LINGO2: variants seen among roughly 807,000 people sequenced by gnomAD.
LINGO2 encodes the protein leucine rich repeat and Ig domain containing 2, also known as leucine-rich repeat and immunoglobulin-like domain-containing nogo receptor-interacting protein 2.
A neutral mutation model predicts 30.6 loss-of-function variants in LINGO2; 14 were observed. The observed-to-expected ratio is 0.46, with a 90% CI of 0.30 to 0.72. LINGO2 has a LOEUF of 0.72. LINGO2 is among the 30% of genes least tolerant of loss of function. The pLI, the probability that LINGO2 is intolerant of heterozygous loss-of-function variation, is 0.07. For synonymous variants in LINGO2, 317 were observed against 288.5 expected (o/e 1.10, Z -1.00); for missense variants, 729 against 751.7 (o/e 0.97, Z 0.35).
At chr9:28,744,032 T>C in the LINGO2 span, among the ~76,000 whole-genome samples, 1 of 151,412 alleles carries the variant, frequency 6.6e-6, no homozygotes, top group Non-Finnish European at 1.5e-5. Context: ...TAATCTTTAA[T>C]GATTTATCTT....
At chr9:28,757,631 G>T in the LINGO2 span, among the ~76,000 whole-genome samples, 1 of 152,072 alleles carries the variant, frequency 6.6e-6, no homozygotes, top group Non-Finnish European at 1.5e-5. Context: ...ACGAACAACT[G>T]ATCTCCAATT....
chr9:28,231,960 C>T (rs1821371421), intron 4 of LINGO2, among the ~76,000 whole-genome samples: 1 of 151,992 alleles, frequency 6.6e-6, no homozygotes, highest in Non-Finnish European at 1.5e-5. Context: ...TGTCAATATT[C>T]AATGTTTATA....
the LINGO2 span, among the ~76,000 whole-genome samples, chr9:28,863,253 C>A: frequency 1.3e-5 from 2 of 151,810 alleles, no homozygotes; most frequent in African/African-American, 4.8e-5. Flanking sequence ...GCATAATAAT[C>A]CAAATAAAAT....
At chr9:28,298,510 A>G (rs532490446) in intron 3 of LINGO2, among the ~76,000 whole-genome samples, 4 of 150,968 alleles carry the variant, frequency 2.6e-5, no homozygotes, top group African/African-American at 9.7e-5. Flanking sequence ...AAAAAAAAAA[A>G]AAAAGAAAGA....
At chr9:28,394,385 C>A (rs944330655) in intron 2 of LINGO2, among the ~76,000 whole-genome samples, 1 of 152,122 alleles carries the variant, frequency 6.6e-6, no homozygotes, top group South Asian at 2.1e-4. Context: ...CAAACAGAAT[C>A]AGATGACAGT....
the LINGO2 span, among the ~76,000 whole-genome samples, chr9:29,055,871 A>G: frequency 6.9e-6 from 1 of 144,350 alleles, no homozygotes; most frequent in Non-Finnish European, 1.5e-5. Flanking sequence ...AACTCTATCC[A>G]GGTTGCGGCA....
downstream of LINGO2, among the ~76,000 whole-genome samples, chr9:27,944,822 T>C (rs1268019733): frequency 1.3e-5 from 2 of 152,092 alleles, no homozygotes; most frequent in African/African-American, 2.4e-5. Context: ...CAGAATCCAT[T>C]TGGGATAGCT....
At chr9:28,159,527 T>C (rs1353367061) in intron 4 of LINGO2, among the ~76,000 whole-genome samples, 3 of 152,162 alleles carry the variant, frequency 2.0e-5, no homozygotes, top group Non-Finnish European at 2.9e-5. Context: ...ACTTACATTG[T>C]AGAATGATTA....
chr9:28,905,880 C>T, the LINGO2 span, among the ~76,000 whole-genome samples: 1 of 152,048 alleles, frequency 6.6e-6, no homozygotes, highest in Non-Finnish European at 1.5e-5. Context: ...CAGCACTACT[C>T]ACAAGAGTGA....
chr9:28,275,268 T>C (rs1294830481), intron 4 of LINGO2, among the ~76,000 whole-genome samples: 5 of 151,358 alleles, frequency 3.3e-5, no homozygotes, highest in African/African-American at 4.9e-5. Flanking sequence ...AGAGATGGGG[T>C]TTTACCGTGT....
chr9:28,582,113 G>A (rs1255379466), intron 1 of LINGO2, among the ~76,000 whole-genome samples: 2 of 151,804 alleles, frequency 1.3e-5, no homozygotes. Context: ...GCTTTTTATT[G>A]ATAAATTATT....
At chr9:28,256,080 T>G (rs1372365815) in intron 4 of LINGO2, among the ~76,000 whole-genome samples, 1 of 152,014 alleles carries the variant, frequency 6.6e-6, no homozygotes, top group Non-Finnish European at 1.5e-5. Flanking sequence ...AAGGGATATA[T>G]ACCCAAAACA....
downstream of LINGO2, among the ~76,000 whole-genome samples, chr9:27,947,617 T>A (rs1823417299): frequency 6.6e-6 from 1 of 152,176 alleles, no homozygotes; most frequent in South Asian, 2.1e-4. Context: ...TAATATTGTG[T>A]GTACAGTATT....
intron 2 of LINGO2, among the ~76,000 whole-genome samples, chr9:28,428,618 T>TA (rs74343525): frequency 0.13 from 19,252 of 152,094 alleles, 1,408 homozygotes; most frequent in East Asian, 0.23. Flanking sequence ...GTGATTTACT[T>TA]AGCTTTAATC....
At chr9:28,612,436 A>G (rs1825959257) in intron 1 of LINGO2, among the ~76,000 whole-genome samples, 1 of 152,146 alleles carries the variant, frequency 6.6e-6, no homozygotes, top group Admixed American at 6.6e-5. Flanking sequence ...AACACATGAA[A>G]TCAGCTGGGA....
the LINGO2 span, among the ~76,000 whole-genome samples, chr9:29,189,466 G>C: frequency 6.6e-6 from 1 of 151,742 alleles, no homozygotes; most frequent in African/African-American, 2.4e-5. Context: ...GTCGCGCCGG[G>C]CAGAGGCGCT....
At position 28,474,102 on chromosome 9, in the gene LINGO2, A is replaced by T. The variant is rs188943881; in HGVS notation, c.-279+1838T>A. Among the ~76,000 whole-genome samples, 128 of 152,304 alleles carry T rather than the reference A, an allele frequency of 8.4e-4. 1 individual carries two copies. Among genetic ancestry groups the T allele is most frequent in the African/African-American group, 3.0e-3 (124 of 41,582 alleles). ...AAATATTTGGATCCATTTCAGTAGAACTGAGAAAGCCACAAAATCATCTTA... is the reference window on the plus strand; with the variant it reads ...AAATATTTGGATCCATTTCAGTAGATCTGAGAAAGCCACAAAATCATCTTA... On this transcript the variant is annotated intron_variant, in intron 2 of 5. Transcript: ENST00000379992.
At chr9:28,726,199 A>T in the LINGO2 span, among the ~76,000 whole-genome samples, 2 of 152,086 alleles carry the variant, frequency 1.3e-5, no homozygotes, top group Admixed American at 6.6e-5. Flanking sequence ...TAAGAGCTCT[A>T]TGTGTGAGTC....
intron 2 of LINGO2, among the ~76,000 whole-genome samples, chr9:28,407,449 G>A (rs1030181302): frequency 6.6e-6 from 1 of 152,112 alleles, no homozygotes; most frequent in Non-Finnish European, 1.5e-5. Flanking sequence ...GGAGGCAAAT[G>A]ATTACACAGA....
Sources: allele counts gnomAD v4.1 joint callset (sites outside exome capture counted in the v4.1 genomes callset), GRCh38; gene constraint gnomAD v4.1.1; transcripts MANE v1.5; gene names NCBI Gene and HGNC (gene_info 2026-07-23, HGNC 2026-07-21).